ARL13B: variants seen among roughly 807,000 people sequenced by gnomAD.
The protein encoded by ARL13B is ADP-ribosylation factor-like protein 13B.
In ARL13B, 36 loss-of-function variants were observed where a neutral mutation model predicts 56.1. The observed-to-expected ratio is 0.64, with a 90% confidence interval of 0.49 to 0.85. ARL13B has a LOEUF of 0.85. Ranked by LOEUF, ARL13B falls within the 40% of genes least tolerant of loss-of-function variation. ARL13B has a pLI of 0.00. For synonymous variants in ARL13B, 178 were observed against 171.1 expected, an observed-to-expected ratio of 1.04 and a Z score of -0.32; for missense variants, 519 against 507.1, an observed-to-expected ratio of 1.02 and a Z score of -0.23.
At chr3:94,039,340 A>G (rs2076822439) in intron 5 of ARL13B, among the ~76,000 whole-genome samples, 1 of 152,044 alleles carries the variant, frequency 6.6e-6, no homozygotes, top group Non-Finnish European at 1.5e-5. Flanking sequence ...CTCTACTAAA[A>G]ATACAAAAAA....
rs779653879 is a variant in ARL13B at position 94,003,660 on chromosome 3, A to G, written c.132A>G (p.Glu44=). The G allele has an allele frequency of 8.7e-6, 14 of 1,612,960 alleles. No homozygotes were observed. The East Asian group carries it at 2.5e-4, about 28-fold the overall frequency. The part of the protein sequence containing the change: ...KTATAKGIQG[E]YPEDVAPTVG... ...TTTTTTGTGTATCATTTGTAACAGAATACCCTGAAGATGTAGCTCCTACTG... is the reference window on the plus strand; with the variant it reads ...TTTTTTGTGTATCATTTGTAACAGAGTACCCTGAAGATGTAGCTCCTACTG... Residue 44 remains glutamate (E), a splice_region_variant and synonymous_variant, in exon 3 of 10, where the codon GAA becomes GAG. Transcript: ENST00000394222.
At chr3:94,005,316 A>G (rs1475970124) in intron 3 of ARL13B, among the ~76,000 whole-genome samples, 1 of 152,210 alleles carries the variant, frequency 6.6e-6, no homozygotes, top group Non-Finnish European at 1.5e-5. Context: ...CAAGTAAAAG[A>G]ATATCAGAAA....
chr3:94,010,879 G>C (rs1448600752), intron 3 of ARL13B, among the ~76,000 whole-genome samples: 2 of 151,920 alleles, frequency 1.3e-5, no homozygotes, highest in Non-Finnish European at 2.9e-5. Context: ...CAGTTTTCAT[G>C]ATAAACAATT....
At chr3:94,011,697 G>C (rs2076226861) in intron 3 of ARL13B, among the ~76,000 whole-genome samples, 1 of 152,048 alleles carries the variant, frequency 6.6e-6, no homozygotes, top group Admixed American at 6.6e-5. Context: ...TATGTGAGGA[G>C]TTTCTCTCTC....
chr3:94,054,179 T>C lies in ARL13B; in HGVS notation c.*916T>C, dbSNP rs750818567. 2.2e-6 allele frequency: 1 copy of C among 453,102 alleles called. No homozygotes were observed. 28.1% of individuals were successfully genotyped at this position (453,102 alleles called of 1,614,324 possible). A position where few individuals can be genotyped will look rare whatever the true frequency, so the allele number is the denominator to read the frequency against. ...AGTGACTCTTTTAGGTGATTCTAAT[T>C]CTTTCATGCCTTGAAATTAAACTAT... On this transcript the variant is annotated 3_prime_UTR_variant, in exon 10 of 10. Transcript: ENST00000394222.
intron 3 of ARL13B, among the ~76,000 whole-genome samples, chr3:94,027,957 G>A (rs76976243): frequency 0.014 from 2,171 of 152,196 alleles, 62 homozygotes; most frequent in African/African-American, 0.05. Flanking sequence ...TTATACGTAT[G>A]TGTCAAATTT....
rs1016456443 is a variant in ARL13B, at chr3:94,001,598, G to C, written c.131-2061G>C. 2.0e-5 allele frequency among the ~76,000 whole-genome samples: 3 copies of C among 151,976 alleles called. No homozygotes were observed. The South Asian group carries it at 6.2e-4, about 32-fold the overall frequency. ...TCGTCTCTAGCTTATTTTTTTTAAA[G>C]AACATACAAATTCTGTGTTATTCCT... is the stretch of plus-strand genomic sequence containing the variant. On this transcript the variant is annotated intron_variant, in intron 2 of 9. Coordinates refer to ENST00000394222, the MANE Select transcript of ARL13B (RefSeq NM_001174150.2).
intron 3 of ARL13B, among the ~76,000 whole-genome samples, chr3:94,010,381 T>G (rs553607820): frequency 1.3e-5 from 2 of 152,230 alleles, no homozygotes; most frequent in South Asian, 4.1e-4. Context: ...ACCTAATGTT[T>G]CAAAGTATTT....
At chr3:93,988,927 C>T (rs1290685562) in intron 1 of ARL13B, 2 of 307,976 alleles carry the variant, frequency 6.5e-6, no homozygotes, top group Non-Finnish European at 1.3e-5. Context: ...TTCGGCTGAA[C>T]TGACCTTCCT....
chr3:94,004,524 A>G (rs1326344350), intron 3 of ARL13B, among the ~76,000 whole-genome samples: 1 of 152,134 alleles, frequency 6.6e-6, no homozygotes, highest in East Asian at 1.9e-4. Context: ...CGTGAGGCAT[A>G]GCAAACTGAA....
At chr3:94,007,428 T>C (rs556907556) in intron 3 of ARL13B, among the ~76,000 whole-genome samples, 1 of 152,192 alleles carries the variant, frequency 6.6e-6, no homozygotes, top group Non-Finnish European at 1.5e-5. Flanking sequence ...CATTCTGTTT[T>C]CATGGTGCTG....
rs1467972818 is a variant in ARL13B at position 94,049,387 on chromosome 3, C to T, written c.1025-19C>T. Reference sequence around the variant, plus strand: ...ACTTTTTCATAAAGACATGAAGTTTCATGTTTATATTCTTGTAGCTAATGG... The same window carrying T: ...ACTTTTTCATAAAGACATGAAGTTTTATGTTTATATTCTTGTAGCTAATGG... On this transcript the variant is annotated intron_variant, in intron 7 of 9. Coordinates refer to ENST00000394222, the MANE Select transcript of ARL13B (RefSeq NM_001174150.2). The T allele has an allele frequency of 2.0e-6, 3 of 1,465,280 alleles. No homozygotes were observed. Among genetic ancestry groups the T allele is most frequent in the East Asian group, 4.6e-5 (2 of 43,872 alleles). 90.8% of individuals were successfully genotyped at this position (1,465,280 alleles called of 1,614,324 possible). A position where few individuals can be genotyped will look rare whatever the true frequency, so the allele number is the denominator to read the frequency against.
rs776070976 is a variant in ARL13B, at chr3:93,995,921, C to T, written c.107C>T (p.Ala36Val). ...MVGLDNAGKT[A>V]TAKGIQGEYP... ...GGACTTGATAATGCTGGTAAAACCG[C>T]AACAGCAAAGGGAATCCAAGGAGGT... The change falls in exon 2 of 10, where the codon GCA (alanine) becomes GTA (valine). Residue 36 changes from alanine (A) to valine (V), a missense_variant. Physicochemically the swap from Ala to Val is moderately conservative, Grantham distance 64. Coordinates refer to ENST00000394222, the MANE Select transcript of ARL13B (RefSeq NM_001174150.2). 2.5e-6 allele frequency: 4 copies of T among 1,613,346 alleles called. No individual in the cohort carries two copies. The highest frequency in any genetic ancestry group is 3.4e-6 in the Non-Finnish European group (4 of 1,179,596).
At chr3:93,999,712 C>A (rs2076023025) in intron 2 of ARL13B, among the ~76,000 whole-genome samples, 1 of 152,066 alleles carries the variant, frequency 6.6e-6, no homozygotes, top group Non-Finnish European at 1.5e-5. Context: ...AAGTAACACC[C>A]CTTCCTGGAA....
chr3:94,018,206 T>C (rs2076372434), intron 3 of ARL13B, among the ~76,000 whole-genome samples: 1 of 151,844 alleles, frequency 6.6e-6, no homozygotes, highest in Non-Finnish European at 1.5e-5. Context: ...CCCTGATTTA[T>C]ATTTTTAAAA....
intron 1 of ARL13B, 134 bp downstream of exon 1, chr3:93,980,616 T>A: frequency 2.7e-6 from 3 of 1,099,362 alleles, no homozygotes; most frequent in Non-Finnish European, 3.9e-6. Context: ...TCCCAGGGTG[T>A]CCCGGGAGGG....
intron 5 of ARL13B, among the ~76,000 whole-genome samples, chr3:94,038,569 G>T (rs1414032804): frequency 2.2e-5 from 3 of 137,678 alleles, no homozygotes; most frequent in Non-Finnish European, 4.5e-5. Context: ...TGTTGCCCAG[G>T]CTGGAGTGCA....
intron 3 of ARL13B, among the ~76,000 whole-genome samples, chr3:94,030,792 T>C (rs1199936662): frequency 1.3e-5 from 2 of 152,222 alleles, no homozygotes; most frequent in African/African-American, 4.8e-5. Context: ...ATCATATTGA[T>C]ATTATTATGT....
chr3:93,981,757 C>T (rs1371680230), intron 1 of ARL13B, among the ~76,000 whole-genome samples: 11 of 147,874 alleles, frequency 7.4e-5, no homozygotes, highest in Non-Finnish European at 1.5e-4. Context: ...GCCTGTAGTC[C>T]AAGCTACTTC....
Sources: gnomAD v4.1 joint callset for allele counts (sites outside exome capture counted in the v4.1 genomes callset) on GRCh38, gnomAD v4.1.1 for gene constraint, MANE v1.5 for transcripts, NCBI Gene and HGNC (gene_info 2026-07-23, HGNC 2026-07-21) for gene names.